The following AFF4 variants were observed in gnomAD, a reference collection of about 807,000 sequenced individuals.
The protein encoded by AFF4 is AF4/FMR2 family member 4.
AFF4 carries 13 observed loss-of-function variants against 124.8 expected under a neutral mutation model. That is an observed-to-expected ratio of 0.10 (90% CI 0.07 to 0.17). AFF4 has a LOEUF of 0.17. AFF4 is among the 10% of genes least tolerant of loss of function. The pLI is 1.00. For missense variants in AFF4, 1,092 were observed against 1,403.8 expected, an observed-to-expected ratio of 0.78 and a Z score of 3.55; for synonymous variants, 477 against 496.1, an observed-to-expected ratio of 0.96 and a Z score of 0.51.
intron 4 of AFF4, among the ~76,000 whole-genome samples, chr5:132,931,453 G>A (rs1483466211): frequency 6.6e-6 from 1 of 151,940 alleles, no homozygotes; most frequent in Non-Finnish European, 1.5e-5. Flanking sequence ...GTGCAAAACT[G>A]GAAGGAAATC....
intron 5 of AFF4, among the ~76,000 whole-genome samples, chr5:132,917,719 T>TTA (rs1324528090): frequency 7.2e-6 from 1 of 138,648 alleles, no homozygotes; most frequent in East Asian, 2.1e-4. Flanking sequence ...TTTTTTTTTT[T>TTA]TTTTTTTTTT....
rs143727291 is a variant in AFF4 at position 132,935,589 on chromosome 5, G to T, written c.124-648C>A. Among the ~76,000 whole-genome samples, 13 of 152,216 alleles carry T rather than the reference G, an allele frequency of 8.5e-5. No individual in the cohort carries two copies. The East Asian group carries it at 2.5e-3, about 29-fold the overall frequency. On this transcript the variant is annotated intron_variant, in intron 2 of 20. Coordinates refer to ENST00000265343, the MANE Select transcript of AFF4 (RefSeq NM_014423.4). Reference sequence around the variant, plus strand: ...AGTTGGAGACCAGCCTGGCCAACATGGTGAAACCCCGTTTCTATTAAAAAT... The same window carrying T: ...AGTTGGAGACCAGCCTGGCCAACATTGTGAAACCCCGTTTCTATTAAAAAT...
At chr5:132,936,854 C>A (rs899942366) in intron 2 of AFF4, among the ~76,000 whole-genome samples, 7 of 152,100 alleles carry the variant, frequency 4.6e-5, no homozygotes, top group African/African-American at 1.7e-4. Flanking sequence ...TTCTTCAAGC[C>A]ATAATACCTA....
In AFF4 at chr5:132,921,482, T is replaced by C. The variant is rs1761046626; in HGVS notation, c.1050+5639A>G. Among the ~76,000 whole-genome samples the C allele has an allele frequency of 2.0e-5, 3 of 151,446 alleles. No individual in the cohort carries two copies. In the South Asian group the frequency reaches 6.2e-4, roughly 32 times the overall value. On this transcript the variant is annotated intron_variant, in intron 5 of 20. Transcript: ENST00000265343. ...GTTTTCTTTTTTTTTTCTTTTTTTTTTTTTTGAGACAGTTTCGCTCTTGTT... is the reference window on the plus strand; with the variant it reads ...GTTTTCTTTTTTTTTTCTTTTTTTTCTTTTTGAGACAGTTTCGCTCTTGTT...
In AFF4 at chr5:132,900,795, G is replaced by T. The variant is rs1196819028; in HGVS notation, c.1134-1154C>A. ...ACATTCCTTGTCTTTTTACATGGGA[G>T]GAAAAATTAATACAAAGCTTAGGGA... On this transcript the variant is annotated intron_variant, in intron 7 of 20. Transcript: ENST00000265343. 9 of 887,100 alleles carry T rather than the reference G, an allele frequency of 1.0e-5. 1 individual carries two copies. The East Asian group carries it at 7.1e-4, about 70-fold the overall frequency. The allele number at this position is 887,100 out of a possible 1,614,324, so 55.0% of individuals were successfully genotyped here.
intron 1 of AFF4, among the ~76,000 whole-genome samples, chr5:132,961,648 G>A (rs1475524311): frequency 1.3e-5 from 2 of 152,138 alleles, no homozygotes; most frequent in Admixed American, 6.6e-5. Context: ...CAATCTTTAA[G>A]AATTCTTAAT....
intron 1 of AFF4, among the ~76,000 whole-genome samples, chr5:132,939,911 C>T (rs539757040): frequency 1.3e-5 from 2 of 151,230 alleles, no homozygotes; most frequent in South Asian, 4.4e-4. Context: ...TGAACTTTGG[C>T]TTAAGGCCAG....
At chr5:132,957,269 A>C (rs1761985754) in intron 1 of AFF4, among the ~76,000 whole-genome samples, 1 of 150,884 alleles carries the variant, frequency 6.6e-6, no homozygotes, top group Non-Finnish European at 1.5e-5. Flanking sequence ...TGTGTGCAGC[A>C]GATCAAGGCT....
At chr5:132,936,489 C>T (rs1354725501) in intron 2 of AFF4, among the ~76,000 whole-genome samples, 1 of 151,934 alleles carries the variant, frequency 6.6e-6, no homozygotes, top group African/African-American at 2.4e-5. Context: ...TTCAAACATA[C>T]TAATAATCTC....
At chr5:132,953,009 T>G (rs550130664) in intron 1 of AFF4, among the ~76,000 whole-genome samples, 1 of 152,118 alleles carries the variant, frequency 6.6e-6, no homozygotes, top group South Asian at 2.1e-4. Context: ...AGGAACCTGT[T>G]TGACAATGCC....
chr5:132,881,897 C>T (rs1394558855), intron 20 of AFF4, among the ~76,000 whole-genome samples: 2 of 150,850 alleles, frequency 1.3e-5, no homozygotes, highest in African/African-American at 4.9e-5. Context: ...AACTCCTGAC[C>T]TTGGGTGATC....
At chr5:132,911,001 T>A (rs2150082312) in intron 5 of AFF4, among the ~76,000 whole-genome samples, 1 of 152,324 alleles carries the variant, frequency 6.6e-6, no homozygotes, top group Admixed American at 6.5e-5. Flanking sequence ...TCTGCTTCCC[T>A]CTGGTGCCAA....
intron 6 of AFF4, chr5:132,903,712 G>A (rs1290216776): frequency 6.6e-6 from 1 of 152,104 alleles, no homozygotes; most frequent in South Asian, 2.1e-4. Flanking sequence ...AAAGGGCCAT[G>A]GTCAGCTAAA....
intron 13 of AFF4, 103 bp downstream of exon 13, chr5:132,892,060 TA>T (rs1760273337): frequency 6.5e-7 from 1 of 1,528,170 alleles, no homozygotes; most frequent in African/African-American, 1.4e-5. Context: ...TAGGCCTATA[TA>T]TTTACTGAGA....
intron 6 of AFF4, chr5:132,904,128 G>T (rs781459454): frequency 2.5e-6 from 1 of 397,882 alleles, no homozygotes; most frequent in East Asian, 6.1e-5. Flanking sequence ...ATAGTGGCAT[G>T]TGCCCACAGT....
At chr5:132,930,959 T>TAAAAC (rs1761285186) in intron 4 of AFF4, among the ~76,000 whole-genome samples, 1 of 136,624 alleles carries the variant, frequency 7.3e-6, no homozygotes, top group Non-Finnish European at 1.6e-5. Context: ...AAAAAAAAAT[T>TAAAAC]AGCCAGGCAT....
chr5:132,889,307 A>G, intron 13 of AFF4, 134 bp from the exon 14 acceptor site: 1 of 603,986 alleles, frequency 1.7e-6, no homozygotes, highest in Non-Finnish European at 2.9e-6. Flanking sequence ...TTGTTACAAA[A>G]CTTTTATAAA....
intron 11 of AFF4, among the ~76,000 whole-genome samples, chr5:132,894,944 CCT>C (rs1490402579): frequency 5.3e-5 from 8 of 152,076 alleles, no homozygotes; most frequent in African/African-American, 1.9e-4. Flanking sequence ...AGAGTAATAC[CCT>C]GTCTCTAAAA....
At chr5:132,943,615 G>T in intron 1 of AFF4, 1 of 199,128 alleles carries the variant, frequency 5.0e-6, no homozygotes, top group South Asian at 1.2e-4. Flanking sequence ...TACAACTAAA[G>T]CCAAATCTGT....
Sources: gnomAD v4.1 joint callset for allele counts (sites outside exome capture counted in the v4.1 genomes callset) on GRCh38, gnomAD v4.1.1 for gene constraint, MANE v1.5 for transcripts, NCBI Gene and HGNC (gene_info 2026-07-23, HGNC 2026-07-21) for gene names.